PLCL1: variants seen among roughly 807,000 people sequenced by gnomAD.
PLCL1 encodes the protein phospholipase C like 1 (inactive).
In PLCL1, 41 loss-of-function variants were observed where a neutral mutation model predicts 84.4. The observed-to-expected ratio is 0.49, with a 90% confidence interval of 0.38 to 0.63. PLCL1 has a LOEUF of 0.63. Ranked by LOEUF, PLCL1 falls within the 30% of genes least tolerant of loss-of-function variation. PLCL1 has a pLI of 0.00. For synonymous variants in PLCL1, 490 were observed against 488.3 expected, an observed-to-expected ratio of 1.00 and a Z score of -0.05; for missense variants, 1,206 against 1,367.8, an observed-to-expected ratio of 0.88 and a Z score of 1.87.
chr2:197,846,635 A>G (rs1687124779), intron 1 of PLCL1, among the ~76,000 whole-genome samples: 1 of 152,132 alleles, frequency 6.6e-6, no homozygotes, highest in Admixed American at 6.5e-5. Context: ...CAAATATGGT[A>G]AGGAATAAAG....
At chr2:197,844,485 T>C (rs190351960) in intron 1 of PLCL1, among the ~76,000 whole-genome samples, 256 of 152,276 alleles carry the variant, frequency 1.7e-3, no homozygotes, top group Middle Eastern at 3.4e-3. Context: ...ATTGAGTACA[T>C]ATACCATATT....
At chr2:197,979,512 G>A (rs1335386022) in intron 1 of PLCL1, among the ~76,000 whole-genome samples, 1 of 152,148 alleles carries the variant, frequency 6.6e-6, no homozygotes, top group African/African-American at 2.4e-5. Flanking sequence ...TCTGCCACCA[G>A]CTTCATCCTA....
At chr2:197,890,794 A>ACG (rs1688009718) in intron 1 of PLCL1, among the ~76,000 whole-genome samples, 1 of 144,868 alleles carries the variant, frequency 6.9e-6, no homozygotes. Flanking sequence ...ATATATGTAT[A>ACG]TATATATTTG....
chr2:198,127,844 C>T (rs1359488089), intron 5 of PLCL1, among the ~76,000 whole-genome samples: 1 of 152,156 alleles, frequency 6.6e-6, no homozygotes, highest in African/African-American at 2.4e-5. Context: ...GGGGAGCCAC[C>T]TGCTGGACAG....
intron 1 of PLCL1, among the ~76,000 whole-genome samples, chr2:198,045,102 C>T (rs1042652726): frequency 5.3e-5 from 8 of 152,192 alleles, no homozygotes; most frequent in African/African-American, 1.2e-4. Flanking sequence ...TGATTTATAC[C>T]GTATTCTTTT....
At chr2:198,142,793 T>A (rs1189829566) in intron 5 of PLCL1, among the ~76,000 whole-genome samples, 1 of 151,892 alleles carries the variant, frequency 6.6e-6, no homozygotes, top group Non-Finnish European at 1.5e-5. Flanking sequence ...TAAAGCATCC[T>A]TCTCTTTTTT....
At position 198,068,572 on chromosome 2, in the gene PLCL1, T is replaced by G. The variant is rs536233559; in HGVS notation, c.241-15186T>G. On this transcript the variant is annotated intron_variant, in intron 1 of 5. Transcript: ENST00000428675. ...TGGTCAGTTTCATCAACAAATGGAA[T>G]TCAAGATCCCTTAGTAAAACGAATG... is the stretch of plus-strand genomic sequence containing the variant. Among the ~76,000 whole-genome samples the G allele has an allele frequency of 2.0e-5, 3 of 152,350 alleles. No homozygotes were observed. In the East Asian group the frequency reaches 5.8e-4, roughly 29 times the overall value.
intron 1 of PLCL1, among the ~76,000 whole-genome samples, chr2:197,987,587 G>A (rs994224005): frequency 2.0e-5 from 3 of 152,148 alleles, no homozygotes; most frequent in African/African-American, 7.2e-5. Context: ...AGTGACATTC[G>A]AAGTAGTAAG....
intron 5 of PLCL1, among the ~76,000 whole-genome samples, chr2:198,124,348 C>T (rs187873185): frequency 1.2e-4 from 19 of 152,156 alleles, no homozygotes; most frequent in African/African-American, 4.6e-4. Context: ...AATTGTCTGA[C>T]CTTGAAATTA....
chr2:197,815,844 C>T (rs183801165), intron 1 of PLCL1, among the ~76,000 whole-genome samples: 1 of 152,224 alleles, frequency 6.6e-6, no homozygotes, highest in East Asian at 1.9e-4. Context: ...GACTGAATTG[C>T]TTCCATTTCA....
At chr2:197,890,005 G>T (rs1369766676) in intron 1 of PLCL1, among the ~76,000 whole-genome samples, 1 of 152,148 alleles carries the variant, frequency 6.6e-6, no homozygotes, top group African/African-American at 2.4e-5. Context: ...GAAGGTCATT[G>T]ACATCAGCTT....
chr2:198,072,736 A>G (rs1209188447), intron 1 of PLCL1, among the ~76,000 whole-genome samples: 4 of 151,986 alleles, frequency 2.6e-5, no homozygotes, highest in Non-Finnish European at 5.9e-5. Flanking sequence ...GTTATGAACA[A>G]TTGTTTTTCT....
At chr2:197,924,946 A>G (rs902666234) in intron 1 of PLCL1, among the ~76,000 whole-genome samples, 1 of 152,188 alleles carries the variant, frequency 6.6e-6, no homozygotes, top group Non-Finnish European at 1.5e-5. Context: ...TTCCCTACCC[A>G]TTTGTTGAAT....
At position 198,142,992 on chromosome 2, in the gene PLCL1, A is replaced by G. The variant is rs142366475; in HGVS notation, c.3106-3788A>G. On this transcript the variant is annotated intron_variant, in intron 5 of 5. Coordinates refer to ENST00000428675, the MANE Select transcript of PLCL1 (RefSeq NM_006226.4). The stretch of plus-strand genomic sequence containing the variant: ...ATTTTAGTATACAAGAGGTGTTTCC[A>G]TTTCTATATCACCAAATAAAATGAA... 3.4e-3 allele frequency among the ~76,000 whole-genome samples: 518 copies of G among 152,082 alleles called. 3 individuals carry two copies. Among genetic ancestry groups the G allele is most frequent in the African/African-American group, 0.012 (513 of 41,476 alleles).
intron 5 of PLCL1, among the ~76,000 whole-genome samples, chr2:198,146,475 T>C (rs1293415015): frequency 6.6e-6 from 1 of 152,116 alleles, no homozygotes; most frequent in Non-Finnish European, 1.5e-5. Context: ...TCTCAGACCA[T>C]GGTGATGGAA....
intron 1 of PLCL1, among the ~76,000 whole-genome samples, chr2:198,070,591 T>A (rs563571899): frequency 6.6e-6 from 1 of 152,034 alleles, no homozygotes; most frequent in African/African-American, 2.4e-5. Context: ...TTAAGGGCTA[T>A]TTTTACATAT....
At chr2:197,876,623 T>G (rs1173824639) in intron 1 of PLCL1, among the ~76,000 whole-genome samples, 1 of 152,086 alleles carries the variant, frequency 6.6e-6, no homozygotes, top group Non-Finnish European at 1.5e-5. Context: ...GCCTGTTCAT[T>G]AAGATTATTG....
chr2:198,056,506 C>T (rs925711687), intron 1 of PLCL1, among the ~76,000 whole-genome samples: 8 of 152,154 alleles, frequency 5.3e-5, no homozygotes, highest in African/African-American at 2.4e-5. Context: ...CTTTCCACTT[C>T]GTGATCTTGG....
At chr2:197,904,279 C>G (rs1027249625) in intron 1 of PLCL1, among the ~76,000 whole-genome samples, 1 of 152,174 alleles carries the variant, frequency 6.6e-6, no homozygotes, top group Non-Finnish European at 1.5e-5. Context: ...CTAGGCCCTT[C>G]CCTTTCTCTC....
Sources: gnomAD v4.1 joint callset for allele counts (sites outside exome capture counted in the v4.1 genomes callset) on GRCh38, gnomAD v4.1.1 for gene constraint, MANE v1.5 for transcripts, NCBI Gene and HGNC (gene_info 2026-07-23, HGNC 2026-07-21) for gene names.